KLK10: variants seen among roughly 807,000 people sequenced by gnomAD.
KLK10 encodes the protein kallikrein related peptidase 10.
KLK10 carries 27 observed loss-of-function variants against 25.7 expected under a neutral mutation model. The observed-to-expected ratio is 1.05, with a 90% CI of 0.77 to 1.45. The LOEUF (loss-of-function observed/expected upper bound fraction) is 1.45, where lower values mean the gene tolerates loss of function less well. Ranked by LOEUF, KLK10 falls within the 40% of genes most tolerant of loss-of-function variation. The pLI is 0.00. For missense variants in KLK10, 386 were observed against 370.0 expected (o/e 1.04, Z -0.35); for synonymous variants, 173 against 160.1 (o/e 1.08, Z -0.61).
chr19:51,020,079 A>T (rs1472936393), upstream of KLK10: 1 of 152,438 alleles, frequency 6.6e-6, no homozygotes, highest in Non-Finnish European at 1.5e-5. Context: ...TAGAGTGACA[A>T]TGTGAGAAGC....
chr19:51,015,298 T>C lies in KLK10; in HGVS notation c.678+119A>G, dbSNP rs565297187. 40 of 1,162,388 alleles carry C rather than the reference T, an allele frequency of 3.4e-5. No individual in the cohort carries two copies. In the African/African-American group the frequency reaches 5.2e-4, roughly 15 times the overall value. 72.0% of individuals were successfully genotyped at this position (1,162,388 alleles called of 1,614,324 possible). Reference sequence around the variant, plus strand: ...GGAGGGGGTTAGGTCTGGGTAAGAGTTGGGGTCAAGGATGGGTTTGGGAAT... The same window carrying C: ...GGAGGGGGTTAGGTCTGGGTAAGAGCTGGGGTCAAGGATGGGTTTGGGAAT... On this transcript the variant is annotated intron_variant, in intron 5 of 5. Transcript: ENST00000358789.
In KLK10 at chr19:51,014,712, G is replaced by A. The variant is rs2091299515; in HGVS notation, c.*88C>T. The A allele has an allele frequency of 3.6e-6, 5 of 1,405,332 alleles. No individual in the cohort carries two copies. Among genetic ancestry groups the A allele is most frequent in the Non-Finnish European group, 5.0e-6 (5 of 1,006,204 alleles). The allele number at this position is 1,405,332 out of a possible 1,614,324, so 87.1% of individuals were successfully genotyped here. On this transcript the variant is annotated 3_prime_UTR_variant, in exon 6 of 6. Transcript: ENST00000358789. Reference sequence around the variant, plus strand: ...AGACAAGGGGAGAGTTCAGCCGACTGGGGAGGAAGAGGATGGACGATGGAG... The same window carrying A: ...AGACAAGGGGAGAGTTCAGCCGACTAGGGAGGAAGAGGATGGACGATGGAG...
intron 2 of KLK10, chr19:51,018,499 G>C (rs944274992): frequency 1.3e-5 from 2 of 155,568 alleles, no homozygotes; most frequent in Admixed American, 6.3e-5. Context: ...GGCGGATCAC[G>C]AGGCCAGGAG....
chr19:51,017,057 G>A (rs2091337725), intron 3 of KLK10, 53 bp downstream of exon 3: 2 of 1,480,678 alleles, frequency 1.4e-6, no homozygotes, highest in Admixed American at 4.8e-5. Context: ...CTCCTCCCTG[G>A]AGGCCGCCTC....
At position 51,015,884 on chromosome 19, in the gene KLK10, C is replaced by G. The variant is rs759187195; in HGVS notation, c.542G>C (p.Arg181Thr). Residue 181 changes from arginine to threonine, a missense_variant and splice_region_variant, in exon 4 of 6, where the codon AGA becomes ACA. Transcript: ENST00000358789. The stretch of plus-strand genomic sequence containing the variant: ...GGCCTCAGAGCCCCAGCTCTTGCCT[C>G]TCCGGGCGGCCGTGGTGCCCCAGCC... ...VAGWGTTAAR[R>T]VKYNKGLTCS... The G allele has an allele frequency of 7.8e-6, 12 of 1,543,240 alleles. No homozygotes were observed. The East Asian group carries it at 2.8e-4, about 36-fold the overall frequency.
chr19:51,019,184 A>G lies in KLK10; in HGVS notation c.-9-45T>C. 2 of 1,342,120 alleles carry G rather than the reference A, an allele frequency of 1.5e-6. No homozygotes were observed. The highest frequency in any genetic ancestry group is 1.0e-6 in the Non-Finnish European group (1 of 969,196). The allele number at this position is 1,342,120 out of a possible 1,614,324, so 83.1% of individuals were successfully genotyped here. The stretch of plus-strand genomic sequence containing the variant: ...GGCGGGTTAAAACAGATGCTCCGTT[A>G]GAGACCCCCACCTCGCCGCGCTCAT... On this transcript the variant is annotated intron_variant, in intron 1 of 5. Coordinates refer to ENST00000358789, the MANE Select transcript of KLK10 (RefSeq NM_145888.3). This position sits in a 1 kb window ranked among gnomAD's most constrained non-coding sequence, Gnocchi z 4.2.
rs112553697 is a variant in KLK10, at chr19:51,016,157, C to T, written c.270-1G>A. 6.3e-7 allele frequency: 1 copy of T among 1,575,856 alleles called. No homozygotes were observed. The highest frequency in any genetic ancestry group is 1.3e-5 in the African/African-American group (1 of 74,210). ...ATCCCCTACTCGAGCCCACAGTGGC[C>T]TGGGGGAAGGAAGAGGCATGTGAAG... On this transcript the variant is annotated splice_acceptor_variant, in intron 3 of 5. Coordinates refer to ENST00000358789, the MANE Select transcript of KLK10 (RefSeq NM_145888.3). LOFTEE classifies it high-confidence loss of function.
chr19:51,015,358 C>T, intron 5 of KLK10, 59 bp downstream of exon 5: 12 of 1,583,506 alleles, frequency 7.6e-6, no homozygotes, highest in Non-Finnish European at 9.5e-6. Flanking sequence ...CTGCTCTTTT[C>T]CCATAACCTC....
chr19:51,019,984 G>A (rs574302881), upstream of KLK10: 1 of 152,272 alleles, frequency 6.6e-6, no homozygotes, highest in South Asian at 2.1e-4. The surrounding 1 kb of genome is among the most constrained non-coding windows in gnomAD (Gnocchi z 4.2). Context: ...CCAGGCGCGG[G>A]GAGAGGGTTC....
At chr19:51,017,012 A>G (rs2091337007) in intron 3 of KLK10, 98 bp downstream of exon 3, 11 of 1,222,546 alleles carry the variant, frequency 9.0e-6, no homozygotes, top group Non-Finnish European at 8.9e-6. Context: ...CCGCACCTCC[A>G]GCTGTGGGAG....
intron 2 of KLK10, among the ~76,000 whole-genome samples, chr19:51,017,672 T>A (rs1269798664): frequency 6.7e-6 from 1 of 149,092 alleles, no homozygotes; most frequent in African/African-American, 2.5e-5. Context: ...GGGGTGTGAA[T>A]AACAAAACGG....
chr19:51,020,057 G>A (rs1038823590), upstream of KLK10: 3 of 152,312 alleles, frequency 2.0e-5, no homozygotes, highest in African/African-American at 4.8e-5. Context: ...AAATCAATGG[G>A]AAGTGCATAC....
chr19:51,016,422 T>C (rs113577813), intron 3 of KLK10, among the ~76,000 whole-genome samples: 2,539 of 152,118 alleles, frequency 0.017, 74 homozygotes, highest in African/African-American at 0.058. Context: ...AAACAGAGTT[T>C]CGCTCTTGTC....
chr19:51,017,379 G>C, intron 2 of KLK10, 89 bp from the exon 3 acceptor site: 1 of 1,178,912 alleles, frequency 8.5e-7, no homozygotes, highest in Non-Finnish European at 1.2e-6. Context: ...GACTGCGTTC[G>C]GGGACGGGGG....
In KLK10 at chr19:51,017,196, G is replaced by C. The variant is rs1177437254; in HGVS notation, c.183C>G (p.Val61=). ...GGAACGAGAGGCCGTTGAAGAGCGA[G>C]ACCTGCCAGGGCTGCGAGCCGCGCG... is the stretch of plus-strand genomic sequence containing the variant. The part of the protein sequence containing the change: ...PCARGSQPWQ[V]SLFNGLSFHC... Residue 61 remains valine, a synonymous_variant, in exon 3 of 6, where the codon GTC becomes GTG. Coordinates refer to ENST00000358789, the MANE Select transcript of KLK10 (RefSeq NM_145888.3). The C allele has an allele frequency of 1.2e-6, 2 of 1,612,182 alleles. No individual in the cohort carries two copies. The highest frequency in any genetic ancestry group is 1.3e-5 in the African/African-American group (1 of 74,920).
chr19:51,015,863 T>C lies in KLK10; in HGVS notation c.544+19A>G. The C allele has an allele frequency of 4.0e-6, 6 of 1,505,622 alleles. No homozygotes were observed. Among genetic ancestry groups the C allele is most frequent in the Non-Finnish European group, 5.3e-6 (6 of 1,129,266 alleles). 93.3% of individuals were successfully genotyped at this position (1,505,622 alleles called of 1,614,324 possible). On this transcript the variant is annotated intron_variant, in intron 4 of 5. Transcript: ENST00000358789. Reference sequence around the variant, plus strand: ...GCCCCCTCCTCCTGAGGTTCCGGCCTCAGAGCCCCAGCTCTTGCCTCTCCG... The same window carrying C: ...GCCCCCTCCTCCTGAGGTTCCGGCCCCAGAGCCCCAGCTCTTGCCTCTCCG...
chr19:51,017,831 AAAC>A (rs144263139), intron 2 of KLK10, among the ~76,000 whole-genome samples: 105,293 of 148,848 alleles, frequency 0.71, 38,696 homozygotes, highest in African/African-American at 0.93. Context: ...AAAAACAAAC[AAAC>A]AACAACAACA....
At position 51,019,564 on chromosome 19, in the gene KLK10, C is replaced by G. The variant is rs973374230; in HGVS notation, c.-10+63G>C. 1 of 157,182 alleles carries G rather than the reference C, an allele frequency of 6.4e-6. No homozygotes were observed. Among genetic ancestry groups the G allele is most frequent in the Non-Finnish European group, 1.4e-5 (1 of 71,442 alleles). 9.7% of individuals were successfully genotyped at this position (157,182 alleles called of 1,614,324 possible). On this transcript the variant is annotated intron_variant, in intron 1 of 5. Transcript: ENST00000358789. The surrounding 1 kb of genome is among the most constrained non-coding windows in gnomAD (Gnocchi z 4.2). Reference sequence around the variant, plus strand: ...TCTAAGCCGGCTCCTGCCTGTGGCCCGGGGGTCCCCACCCATCCTCTCGCA... The same window carrying G: ...TCTAAGCCGGCTCCTGCCTGTGGCCGGGGGGTCCCCACCCATCCTCTCGCA...
Position 51,019,032 on chromosome 19 carries a change from C to A in KLK10, c.88+11G>T, listed in dbSNP as rs1336255130. Reference sequence around the variant, plus strand: ...CCGGCGCCTCTCCCCGCCCCCTGCCCCCGACCTTACCCCAGAGTTGCGCCA... The same window carrying A: ...CCGGCGCCTCTCCCCGCCCCCTGCCACCGACCTTACCCCAGAGTTGCGCCA... On this transcript the variant is annotated intron_variant, in intron 2 of 5. Transcript: ENST00000358789. The surrounding 1 kb of genome is among the most constrained non-coding windows in gnomAD (Gnocchi z 4.2). The A allele has an allele frequency of 6.3e-7, 1 of 1,588,338 alleles. No individual in the cohort carries two copies. Among genetic ancestry groups the A allele is most frequent in the Non-Finnish European group, 8.5e-7 (1 of 1,170,872 alleles).
Sources: allele counts gnomAD v4.1 joint callset (sites outside exome capture counted in the v4.1 genomes callset), GRCh38; gene constraint gnomAD v4.1.1; non-coding constraint Gnocchi (gnomAD v3.1); transcripts MANE v1.5; gene names NCBI Gene and HGNC (gene_info 2026-07-23, HGNC 2026-07-21).